ACP6: variants seen among roughly 807,000 people sequenced by gnomAD.
ACP6 encodes acid phosphatase 6, lysophosphatidic, also known as lysophosphatidic acid phosphatase type 6.
ACP6 carries 48 observed loss-of-function variants against 48.1 expected under a neutral mutation model. The observed-to-expected ratio is 1.00, with a 90% confidence interval of 0.79 to 1.27. ACP6 has a LOEUF of 1.27. ACP6 is among the 50% of genes most tolerant of loss of function. ACP6 has a pLI of 0.00. For missense variants in ACP6, 485 were observed against 529.1 expected (o/e 0.92, Z 0.82); for synonymous variants, 172 against 204.2 (o/e 0.84, Z 1.34).
rs782042720 is a variant in ACP6 at position 147,658,954 on chromosome 1, A to G, written c.559+6T>C. The G allele has an allele frequency of 6.8e-6, 11 of 1,610,046 alleles. No homozygotes were observed. The highest frequency in any genetic ancestry group is 9.3e-6 in the Non-Finnish European group (11 of 1,177,800). The stretch of plus-strand genomic sequence containing the variant: ...ACAGGGACTGACTGGGACCCCAAAT[A>G]CGAACCTTCTTTCTGACACTGGAAA... On this transcript the variant is annotated splice_donor_region_variant and intron_variant, in intron 4 of 9. Transcript: ENST00000583509.
chr1:147,654,855 G>A (rs1204873035), intron 5 of ACP6, among the ~76,000 whole-genome samples: 1 of 152,144 alleles, frequency 6.6e-6, no homozygotes, highest in African/African-American at 2.4e-5. Context: ...CTGAGAGACC[G>A]GGGTTGTCAG....
At chr1:147,667,711 G>A (rs776444469) in intron 1 of ACP6, among the ~76,000 whole-genome samples, 7 of 151,918 alleles carry the variant, frequency 4.6e-5, no homozygotes, top group African/African-American at 9.7e-5. Context: ...TCCCAATAAC[G>A]GCCGGGTGCT....
In ACP6 at chr1:147,644,363, T is replaced by C. The variant is rs1266858654; in HGVS notation, c.*3060A>G. ...AAGAAGAATGGTAAGATGGCGAGTA[T>C]GGCTGGGGTGCAGTGAGATGTCATA... On this transcript the variant is annotated 3_prime_UTR_variant, in exon 10 of 10. Transcript: ENST00000583509. 6.6e-6 allele frequency: 1 copy of C among 152,230 alleles called. No homozygotes were observed. The highest frequency in any genetic ancestry group is 1.5e-5 in the Non-Finnish European group (1 of 68,046). The allele number at this position is 152,230 out of a possible 1,614,324, so 9.4% of individuals were successfully genotyped here.
Position 147,654,328 on chromosome 1 carries a change from T to A in ACP6, c.648-2A>T, listed in dbSNP as rs782068882. 4 of 1,613,776 alleles carry A rather than the reference T, an allele frequency of 2.5e-6. No individual in the cohort carries two copies. The South Asian group carries it at 4.4e-5, about 18-fold the overall frequency. ...AAAGAGGCAGTCTGCCTCCGGCCTC[T>A]GACAAAAAATAAAAAGTAAAGCCTT... On this transcript the variant is annotated splice_acceptor_variant, in intron 5 of 9. Coordinates refer to ENST00000583509, the MANE Select transcript of ACP6 (RefSeq NM_016361.5). LOFTEE classifies it high-confidence loss of function.
chr1:147,655,112 T>C, intron 5 of ACP6, 49 bp downstream of exon 5: 2 of 1,454,374 alleles, frequency 1.4e-6, no homozygotes, highest in East Asian at 2.4e-5. Flanking sequence ...CCAGCAAAGG[T>C]TGTAAAAGGT....
In ACP6 at chr1:147,670,106, C is replaced by A; in HGVS notation, c.-58G>T. Reference sequence around the variant, plus strand: ...GCTGCAGGAGGCAAACACAAGTCTTCTGCGGGCGCCGGGGCTCAGCGGGCG... The same window carrying A: ...GCTGCAGGAGGCAAACACAAGTCTTATGCGGGCGCCGGGGCTCAGCGGGCG... On this transcript the variant is annotated 5_prime_UTR_variant, in exon 1 of 10. Transcript: ENST00000583509. The A allele has an allele frequency of 7.0e-7, 1 of 1,420,884 alleles. No individual in the cohort carries two copies. The highest frequency in any genetic ancestry group is 2.6e-5 in the East Asian group (1 of 38,520). The allele number at this position is 1,420,884 out of a possible 1,614,324, so 88.0% of individuals were successfully genotyped here.
rs1553214473 is a variant in ACP6, at chr1:147,670,085, C to A, written c.-37G>T. On this transcript the variant is annotated 5_prime_UTR_variant, in exon 1 of 10. Coordinates refer to ENST00000583509, the MANE Select transcript of ACP6 (RefSeq NM_016361.5). ...CTCGCTGCCCTCCGGGTTGAGGCTG[C>A]AGGAGGCAAACACAAGTCTTCTGCG... The A allele has an allele frequency of 6.8e-7, 1 of 1,462,532 alleles. No homozygotes were observed. The allele number at this position is 1,462,532 out of a possible 1,614,324, so 90.6% of individuals were successfully genotyped here.
rs139401248 is a variant in ACP6 at position 147,648,029 on chromosome 1, G to C, written c.1143+217C>G. 3.2e-4 allele frequency: 187 copies of C among 587,446 alleles called. No individual in the cohort carries two copies. In the East Asian group the frequency reaches 5.2e-3, roughly 16 times the overall value. 36.4% of individuals were successfully genotyped at this position (587,446 alleles called of 1,614,324 possible). ...ACCCTGTTCCTAGGAGTCTGTAACA[G>C]AACTGGGATAAGGCTCAAGCCCCAT... On this transcript the variant is annotated intron_variant, in intron 9 of 9. Coordinates refer to ENST00000583509, the MANE Select transcript of ACP6 (RefSeq NM_016361.5).
chr1:147,652,753 G>GAAA (rs372824445), intron 6 of ACP6: 361,614 of 608,854 alleles, frequency 0.59, 67,745 homozygotes, highest in African/African-American at 0.82. Context: ...TGAAGGCCAG[G>GAAA]AAAAAAAAAA....
rs76566597 is a variant in ACP6, at chr1:147,655,729, G to C, written c.560-481C>G. Reference sequence around the variant, plus strand: ...GGACACAAGGCCACAGATCCTCTCAGAGACCCCATAGCCTTGCCCAAAATA... The same window carrying C: ...GGACACAAGGCCACAGATCCTCTCACAGACCCCATAGCCTTGCCCAAAATA... On this transcript the variant is annotated intron_variant, in intron 4 of 9. Transcript: ENST00000583509. Among the ~76,000 whole-genome samples, 272 of 152,296 alleles carry C rather than the reference G, an allele frequency of 1.8e-3. 1 individual carries two copies. Among genetic ancestry groups the C allele is most frequent in the African/African-American group, 6.4e-3 (264 of 41,566 alleles).
chr1:147,653,735 GA>G (rs1389222684), intron 6 of ACP6, among the ~76,000 whole-genome samples: 3 of 151,930 alleles, frequency 2.0e-5, no homozygotes, highest in African/African-American at 7.3e-5. Flanking sequence ...ATTTATTACA[GA>G]AAAAAAGATC....
chr1:147,645,391 A>T lies in ACP6; in HGVS notation c.*2032T>A, dbSNP rs1379073802. ...GGCGTGAGCCACCGCGCCCGGCCTC[A>T]AACTGGAAATTCTTGAGATCACCTA... On this transcript the variant is annotated 3_prime_UTR_variant, in exon 10 of 10. Coordinates refer to ENST00000583509, the MANE Select transcript of ACP6 (RefSeq NM_016361.5). The T allele has an allele frequency of 1.3e-5, 2 of 152,178 alleles. No individual in the cohort carries two copies. Among genetic ancestry groups the T allele is most frequent in the African/African-American group, 2.4e-5 (1 of 41,414 alleles). The allele number at this position is 152,178 out of a possible 1,614,324, so 9.4% of individuals were successfully genotyped here. A position where few individuals can be genotyped will look rare whatever the true frequency, so the allele number is the denominator to read the frequency against.
chr1:147,667,938 C>T (rs183150453), intron 1 of ACP6, among the ~76,000 whole-genome samples: 3 of 151,606 alleles, frequency 2.0e-5, no homozygotes, highest in Middle Eastern at 3.4e-3. Flanking sequence ...TGCGGTGAGC[C>T]GAGATCGCGT....
downstream of ACP6, among the ~76,000 whole-genome samples, chr1:147,638,919 C>A (rs113133012): frequency 6.6e-6 from 1 of 152,168 alleles, no homozygotes; most frequent in Admixed American, 6.5e-5. Context: ...TGCAGTGGCA[C>A]GAACACGGGC....
At position 147,645,227 on chromosome 1, in the gene ACP6, T is replaced by TA. The variant is rs1473681979; in HGVS notation, c.*2195dup. ...ATTTTATAAAATTATAATAATTTTATAAAAATATAATAATTTTTGTATTTT... is the reference window on the plus strand; with the variant it reads ...ATTTTATAAAATTATAATAATTTTATAAAAAATATAATAATTTTTGTATTTT... On this transcript the variant is annotated 3_prime_UTR_variant, in exon 10 of 10. Transcript: ENST00000583509. 2.7e-5 allele frequency: 4 copies of TA among 150,766 alleles called. No individual in the cohort carries two copies. The highest frequency in any genetic ancestry group is 9.7e-5 in the African/African-American group (4 of 41,166). 9.3% of individuals were successfully genotyped at this position (150,766 alleles called of 1,614,324 possible).
At chr1:147,641,761 AT>A (rs1347377122), downstream of ACP6, among the ~76,000 whole-genome samples, 1 of 152,238 alleles carries the variant, frequency 6.6e-6, no homozygotes, top group Non-Finnish European at 1.5e-5. Flanking sequence ...GCTCAGAGAA[AT>A]TAAGTGACAT....
intron 1 of ACP6, among the ~76,000 whole-genome samples, chr1:147,662,390 T>C (rs587615118): frequency 6.6e-6 from 1 of 152,236 alleles, no homozygotes; most frequent in South Asian, 2.1e-4. Flanking sequence ...TTGAAAACCT[T>C]ATGGAAAGAA....
At chr1:147,633,500 A>G (rs932470942) in intron 5 of ACP6, among the ~76,000 whole-genome samples, 26 of 72,352 alleles carry the variant, frequency 3.6e-4, no homozygotes, top group Non-Finnish European at 5.8e-4. Context: ...CTAATAGGCA[A>G]AAGTTTCTTT....
rs868979565 is a variant in ACP6, at chr1:147,644,465, C to T, written c.*2958G>A. 1.3e-5 allele frequency: 2 copies of T among 152,042 alleles called. No homozygotes were observed. The highest frequency in any genetic ancestry group is 6.6e-5 in the Admixed American group (1 of 15,266). 9.4% of individuals were successfully genotyped at this position (152,042 alleles called of 1,614,324 possible). A position where few individuals can be genotyped will look rare whatever the true frequency, so the allele number is the denominator to read the frequency against. ...GGGAATTTAGAGCAGAAGAGTGGCA[C>T]GATCTTACTTTGTTTTAAAAGCAAC... is the stretch of plus-strand genomic sequence containing the variant. On this transcript the variant is annotated 3_prime_UTR_variant, in exon 10 of 10. Transcript: ENST00000583509.
Sources: allele counts gnomAD v4.1 joint callset (sites outside exome capture counted in the v4.1 genomes callset), GRCh38; gene constraint gnomAD v4.1.1; transcripts MANE v1.5; gene names NCBI Gene and HGNC (gene_info 2026-07-23, HGNC 2026-07-21).